The following SNRPD1 variants were observed in gnomAD, a reference collection of about 807,000 sequenced individuals.
The protein encoded by SNRPD1 is small nuclear ribonucleoprotein D1 polypeptide.
In SNRPD1, 1 loss-of-function variant was observed where a neutral mutation model predicts 14.4. The observed-to-expected ratio is 0.07, with a 90% CI of 0.02 to 0.33. SNRPD1 has a LOEUF of 0.33. Among genes scored for constraint, SNRPD1 ranks in the 10% least tolerant of loss-of-function variants. SNRPD1 has a pLI of 1.00. For synonymous variants in SNRPD1, 42 were observed against 50.3 expected (o/e 0.83, Z 0.70); for missense variants, 52 against 146.4 (o/e 0.36, Z 3.33).
chr18:21,628,947 C>G, intron 3 of SNRPD1, 115 bp from the exon 4 acceptor site: 2 of 787,364 alleles, frequency 2.5e-6, no homozygotes, highest in Non-Finnish European at 4.5e-6. Context: ...TTTACTGTAG[C>G]TACTAATAAA....
At chr18:21,623,720 A>G (rs376513859) in intron 2 of SNRPD1, 28 bp from the exon 3 acceptor site, 15 of 1,543,992 alleles carry the variant, frequency 9.7e-6, no homozygotes, top group African/African-American at 1.4e-5. Flanking sequence ...TATCATACTA[A>G]TAACTGCACA....
At chr18:21,622,989 C>T (rs544459824) in intron 2 of SNRPD1, among the ~76,000 whole-genome samples, 188 bp downstream of exon 2, 4 of 150,838 alleles carry the variant, frequency 2.7e-5, no homozygotes, top group East Asian at 1.9e-4. Context: ...TGCAGTGGCA[C>T]GATCTCAGCT....
intron 1 of SNRPD1, among the ~76,000 whole-genome samples, chr18:21,621,993 G>A (rs183356213): frequency 1.6e-3 from 249 of 152,296 alleles, no homozygotes; most frequent in African/African-American, 5.7e-3. Flanking sequence ...TATGTCAAAA[G>A]AAATCTGTAT....
intron 3 of SNRPD1, among the ~76,000 whole-genome samples, chr18:21,627,076 TG>T (rs1391422334): frequency 1.3e-5 from 2 of 150,570 alleles, no homozygotes; most frequent in African/African-American, 4.9e-5. Flanking sequence ...ATCACCAGCC[TG>T]GCCAACAGAG....
intron 1 of SNRPD1, among the ~76,000 whole-genome samples, chr18:21,618,200 A>C (rs1287960111): frequency 6.6e-6 from 1 of 152,066 alleles, no homozygotes; most frequent in Non-Finnish European, 1.5e-5. Flanking sequence ...AGGCAGGCTG[A>C]TTGCTTGAGC....
chr18:21,617,721 G>A (rs896095094), intron 1 of SNRPD1, among the ~76,000 whole-genome samples: 1 of 152,086 alleles, frequency 6.6e-6, no homozygotes, highest in South Asian at 2.1e-4. Flanking sequence ...ACATTTCATC[G>A]GCCAGGCGTG....
chr18:21,616,710 G>A (rs1253467000), intron 1 of SNRPD1, among the ~76,000 whole-genome samples: 1 of 146,324 alleles, frequency 6.8e-6, no homozygotes, highest in East Asian at 2.0e-4. Flanking sequence ...TTTTTGAGAT[G>A]GAGTCTTGCT....
Position 21,632,428 on chromosome 18 carries a change from C to T in SNRPD1, c.*3290C>T, listed in dbSNP as rs1326547632. 1 of 150,502 alleles carries T rather than the reference C, an allele frequency of 6.6e-6. No homozygotes were observed. Among genetic ancestry groups the T allele is most frequent in the Non-Finnish European group, 1.5e-5 (1 of 67,870 alleles). 9.3% of individuals were successfully genotyped at this position (150,502 alleles called of 1,614,324 possible). ...GAGCTGAGATCACACCACTGCACTT[C>T]AGCCTGAGTGACAGAGCGAGACTGT... On this transcript the variant is annotated 3_prime_UTR_variant, in exon 4 of 4. Coordinates refer to ENST00000300413, the MANE Select transcript of SNRPD1 (RefSeq NM_006938.4).
At chr18:21,624,374 C>CA (rs768597872) in intron 3 of SNRPD1, among the ~76,000 whole-genome samples, 2,453 of 107,038 alleles carry the variant, frequency 0.023, 50 homozygotes, top group African/African-American at 0.061. Context: ...GCCACTGTCT[C>CA]AAAAAAAAAA....
chr18:21,627,925 G>A lies in SNRPD1; in HGVS notation c.284-1137G>A, dbSNP rs576521106. On this transcript the variant is annotated intron_variant, in intron 3 of 3. Coordinates refer to ENST00000300413, the MANE Select transcript of SNRPD1 (RefSeq NM_006938.4). ...TTGCATTTACTTGTACGTTTCCTTA[G>A]TTTCCTTTAATGCGTATCAGCTGGT... 4.6e-5 allele frequency among the ~76,000 whole-genome samples: 7 copies of A among 152,182 alleles called. No homozygotes were observed. In the South Asian group the frequency reaches 8.3e-4, roughly 18 times the overall value.
chr18:21,633,487 C>G lies in SNRPD1; in HGVS notation c.*4349C>G, dbSNP rs976636314. 1.3e-5 allele frequency: 2 copies of G among 151,958 alleles called. No individual in the cohort carries two copies. The highest frequency in any genetic ancestry group is 4.8e-5 in the African/African-American group (2 of 41,378). The allele number at this position is 151,958 out of a possible 1,614,324, so 9.4% of individuals were successfully genotyped here. Reference sequence around the variant, plus strand: ...TACTGGCCTTTATTAATGTGAAATTCTTGTGGATCTGTGAAATAAAGAGGA... The same window carrying G: ...TACTGGCCTTTATTAATGTGAAATTGTTGTGGATCTGTGAAATAAAGAGGA... On this transcript the variant is annotated 3_prime_UTR_variant, in exon 4 of 4. Coordinates refer to ENST00000300413, the MANE Select transcript of SNRPD1 (RefSeq NM_006938.4).
chr18:21,627,288 A>G (rs1456222617), intron 3 of SNRPD1, among the ~76,000 whole-genome samples: 1 of 151,608 alleles, frequency 6.6e-6, no homozygotes, highest in African/African-American at 2.4e-5. Context: ...TTTATTTTTT[A>G]TTTTTTTGTA....
At chr18:21,615,873 A>T (rs1321222888) in intron 1 of SNRPD1, among the ~76,000 whole-genome samples, 2 of 152,200 alleles carry the variant, frequency 1.3e-5, no homozygotes, top group African/African-American at 2.4e-5. Context: ...AATATATTAG[A>T]ATAACAATTG....
chr18:21,614,075 C>T (rs1446921034), intron 1 of SNRPD1, among the ~76,000 whole-genome samples: 1 of 151,768 alleles, frequency 6.6e-6, no homozygotes, highest in Non-Finnish European at 1.5e-5. Context: ...GAGTTCAGGA[C>T]CTGCCTGGCC....
chr18:21,625,939 C>T (rs1250286628), intron 3 of SNRPD1, among the ~76,000 whole-genome samples: 1 of 152,100 alleles, frequency 6.6e-6, no homozygotes, highest in Non-Finnish European at 1.5e-5. Flanking sequence ...GTTTTCTCTG[C>T]TTTTCTTTGT....
intron 1 of SNRPD1, among the ~76,000 whole-genome samples, chr18:21,613,816 C>G (rs931261566): frequency 7.9e-6 from 1 of 126,616 alleles, no homozygotes; most frequent in African/African-American, 3.2e-5. Flanking sequence ...TATCGTGGCA[C>G]TACGCTCCAG....
At chr18:21,624,662 G>A (rs2039022660) in intron 3 of SNRPD1, among the ~76,000 whole-genome samples, 1 of 150,132 alleles carries the variant, frequency 6.7e-6, no homozygotes, top group African/African-American at 2.5e-5. Flanking sequence ...CTGCACTCCA[G>A]CCTGGGCTAC....
At chr18:21,628,854 G>A (rs777050788) in intron 3 of SNRPD1, among the ~76,000 whole-genome samples, 1 of 150,458 alleles carries the variant, frequency 6.6e-6, no homozygotes, top group Admixed American at 6.6e-5. Flanking sequence ...TAGGCCTTTA[G>A]TTATTGGTTC....
chr18:21,618,878 C>G (rs1354243316), intron 1 of SNRPD1, among the ~76,000 whole-genome samples: 1 of 152,130 alleles, frequency 6.6e-6, no homozygotes, highest in East Asian at 1.9e-4. Flanking sequence ...CAACATTATT[C>G]AGTGCCTATT....
Sources: allele counts gnomAD v4.1 joint callset (sites outside exome capture counted in the v4.1 genomes callset), GRCh38; gene constraint gnomAD v4.1.1; transcripts MANE v1.5; gene names NCBI Gene and HGNC (gene_info 2026-07-23, HGNC 2026-07-21).